Variants in BMPR2 observed in about 807,000 individuals in gnomAD.
The protein encoded by BMPR2 is bone morphogenetic protein receptor type-2.
Under a neutral mutation model 100.8 loss-of-function variants are expected in BMPR2, and 29 were observed. The ratio of observed to expected loss-of-function variants is 0.29; its 90% CI spans 0.21 to 0.39. The LOEUF is 0.39. Among genes scored for constraint, BMPR2 ranks in the 10% least tolerant of loss-of-function variants. The probability of loss-of-function intolerance (pLI) is 1.00; values close to 1 mark genes in which losing one functional copy is unlikely to be tolerated. For missense variants in BMPR2, 1,011 were observed against 1,274.5 expected (o/e 0.79, Z 3.15); for synonymous variants, 382 against 442.3 (o/e 0.86, Z 1.71).
rs141475900 is a variant in BMPR2, at chr2:202,415,892, A to G, written c.76+38342A>G. On this transcript the variant is annotated intron_variant, in intron 1 of 12. Transcript: ENST00000374580. The stretch of plus-strand genomic sequence containing the variant: ...TAAGACAACATCCATTCTGCAGCCT[A>G]TGGATCCAGGAGTAATTTTAACTTT... 5.0e-3 allele frequency among the ~76,000 whole-genome samples: 767 copies of G among 152,352 alleles called. 6 individuals are homozygous for G. Among genetic ancestry groups the G allele is most frequent in the Admixed American group, 7.8e-3 (119 of 15,306 alleles).
chr2:202,519,182 C>A, intron 6 of BMPR2, 130 bp downstream of exon 6: 1 of 908,722 alleles, frequency 1.1e-6, no homozygotes, highest in Non-Finnish European at 1.8e-6. Flanking sequence ...GCCAACATGG[C>A]AAAACTCCCG....
At chr2:202,386,730 G>A (rs925537961) in intron 1 of BMPR2, among the ~76,000 whole-genome samples, 2 of 151,628 alleles carry the variant, frequency 1.3e-5, no homozygotes, top group Non-Finnish European at 2.9e-5. Context: ...GTCTAGGCTG[G>A]AGTACAGTGG....
At chr2:202,398,383 G>C (rs1308288024) in intron 1 of BMPR2, among the ~76,000 whole-genome samples, 1 of 152,022 alleles carries the variant, frequency 6.6e-6, no homozygotes, top group Non-Finnish European at 1.5e-5. Context: ...GAAAACAACT[G>C]GCTTTTTTTT....
At chr2:202,386,448 C>G (rs1038781475) in intron 1 of BMPR2, among the ~76,000 whole-genome samples, 1 of 152,146 alleles carries the variant, frequency 6.6e-6, no homozygotes, top group Non-Finnish European at 1.5e-5. Context: ...TTTGTCTCTT[C>G]TCTTTCTTTT....
At chr2:202,542,263 A>T in intron 9 of BMPR2, 48 bp from the exon 10 acceptor site, 2 of 1,604,684 alleles carry the variant, frequency 1.2e-6, no homozygotes, top group African/African-American at 1.3e-5. Context: ...TCTATCATTT[A>T]TGATAGTTAG....
chr2:202,483,028 C>T (rs181381056), intron 3 of BMPR2, among the ~76,000 whole-genome samples: 8 of 152,126 alleles, frequency 5.3e-5, no homozygotes, highest in South Asian at 2.1e-4. Context: ...ACCTTCTTGC[C>T]GTCACTTGTT....
intron 3 of BMPR2, among the ~76,000 whole-genome samples, chr2:202,477,962 G>C (rs971314382): frequency 6.6e-6 from 1 of 152,070 alleles, no homozygotes; most frequent in African/African-American, 2.4e-5. Context: ...TTGCTAAAAT[G>C]TATTTGTAAC....
rs922518065 is a variant in BMPR2, at chr2:202,537,876, T to C, written c.1277-4435T>C. Among the ~76,000 whole-genome samples, 4 of 151,512 alleles carry C rather than the reference T, an allele frequency of 2.6e-5. No individual in the cohort carries two copies. In the South Asian group the frequency reaches 6.2e-4, roughly 24 times the overall value. On this transcript the variant is annotated intron_variant, in intron 9 of 12. Transcript: ENST00000374580. ...GCTCACGCCTGCAAACCCAGCACTT[T>C]AGGAGGCTGAGAGGGGTGGGGGTGG... is the stretch of plus-strand genomic sequence containing the variant.
intron 9 of BMPR2, among the ~76,000 whole-genome samples, chr2:202,537,951 C>G (rs113251403): frequency 6.6e-6 from 1 of 151,338 alleles, no homozygotes; most frequent in African/African-American, 2.4e-5. Flanking sequence ...GGTGAAACCC[C>G]GCTCTACTAC....
intron 1 of BMPR2, among the ~76,000 whole-genome samples, chr2:202,445,395 T>G (rs1048183570): frequency 2.0e-5 from 3 of 149,638 alleles, no homozygotes; most frequent in Admixed American, 6.6e-5. Flanking sequence ...CCTGGCTAAT[T>G]TTTTAATATT....
rs766982703 is a variant in BMPR2, at chr2:202,377,041, G to A, written c.-434G>A. 3.7e-4 allele frequency: 171 copies of A among 463,568 alleles called. No homozygotes were observed. Among genetic ancestry groups the A allele is most frequent in the South Asian group, 6.1e-4 (12 of 19,660 alleles). 28.7% of individuals were successfully genotyped at this position (463,568 alleles called of 1,614,324 possible). On this transcript the variant is annotated 5_prime_UTR_variant, in exon 1 of 13. Coordinates refer to ENST00000374580, the MANE Select transcript of BMPR2 (RefSeq NM_001204.7). ...CCGCCCGTCCGGCTTCGTCCTTCCCGGCAGTCGGGAACTAGTTCTGACCCT... is the reference window on the plus strand; with the variant it reads ...CCGCCCGTCCGGCTTCGTCCTTCCCAGCAGTCGGGAACTAGTTCTGACCCT...
chr2:202,398,257 G>A (rs1690693266), intron 1 of BMPR2, among the ~76,000 whole-genome samples: 2 of 152,046 alleles, frequency 1.3e-5, no homozygotes, highest in African/African-American at 2.4e-5. Context: ...GGTTCAATGA[G>A]ATATCAATTG....
At chr2:202,490,717 G>A (rs1692882820) in intron 3 of BMPR2, among the ~76,000 whole-genome samples, 2 of 152,176 alleles carry the variant, frequency 1.3e-5, no homozygotes, top group African/African-American at 2.4e-5. Context: ...TATGTACAGG[G>A]AGAAAGAAGA....
intron 3 of BMPR2, among the ~76,000 whole-genome samples, chr2:202,478,637 G>T (rs967270118): frequency 6.6e-6 from 1 of 152,160 alleles, no homozygotes; most frequent in African/African-American, 2.4e-5. Context: ...GGCCAGGCAT[G>T]GCAGCTCACA....
intron 1 of BMPR2, among the ~76,000 whole-genome samples, chr2:202,456,549 C>T (rs1692112688): frequency 7.1e-6 from 1 of 140,182 alleles, no homozygotes; most frequent in Admixed American, 7.3e-5. Flanking sequence ...GAGTCTCGCT[C>T]TGTCGCCTAG....
chr2:202,422,401 G>A (rs1280989714), intron 1 of BMPR2, among the ~76,000 whole-genome samples: 1 of 151,912 alleles, frequency 6.6e-6, no homozygotes, highest in African/African-American at 2.4e-5. Flanking sequence ...CCGCCTCCCG[G>A]GTTCCCACCA....
At chr2:202,431,509 A>G (rs888119905) in intron 1 of BMPR2, among the ~76,000 whole-genome samples, 1 of 150,764 alleles carries the variant, frequency 6.6e-6, no homozygotes, top group Non-Finnish European at 1.5e-5. Flanking sequence ...ACATTCATTT[A>G]TAGTCATGCA....
intron 1 of BMPR2, among the ~76,000 whole-genome samples, chr2:202,464,537 T>C (rs1008676009): frequency 1.2e-4 from 18 of 152,190 alleles, no homozygotes; most frequent in African/African-American, 3.9e-4. Context: ...CCAAAATTAT[T>C]TAATAGAAGC....
chr2:202,428,078 T>C (rs1445673131), intron 1 of BMPR2, among the ~76,000 whole-genome samples: 1 of 152,150 alleles, frequency 6.6e-6, no homozygotes, highest in Non-Finnish European at 1.5e-5. Flanking sequence ...TAATTTCCCC[T>C]AGGGGTAACT....
Sources: gnomAD v4.1 joint callset for allele counts (sites outside exome capture counted in the v4.1 genomes callset) on GRCh38, gnomAD v4.1.1 for gene constraint, MANE v1.5 for transcripts, NCBI Gene and HGNC (gene_info 2026-07-23, HGNC 2026-07-21) for gene names.